Variants in ZNF138 observed in about 807,000 individuals in gnomAD.
The protein encoded by ZNF138 is zinc finger protein 138 (clone pHZ-32).
ZNF138 carries 33 observed loss-of-function variants against 33.0 expected under a neutral mutation model. The observed-to-expected ratio is 1.00, with a 90% confidence interval of 0.76 to 1.34. The LOEUF is 1.34. Ranked by LOEUF, ZNF138 falls within the 40% of genes most tolerant of loss-of-function variation. ZNF138 has a pLI of 0.00. For synonymous variants in ZNF138, 139 were observed against 120.4 expected (o/e 1.15, Z -1.01); for missense variants, 360 against 370.8 (o/e 0.97, Z 0.24).
At chr7:64,806,030 C>T (rs1787569444) in intron 1 of ZNF138, among the ~76,000 whole-genome samples, 3 of 152,330 alleles carry the variant, frequency 2.0e-5, no homozygotes, top group South Asian at 2.1e-4. Context: ...AATAAAACAG[C>T]TTTCTTTCTG....
chr7:64,832,781 C>G lies in ZNF138; in HGVS notation c.*579C>G, dbSNP rs532145192. 14 of 449,098 alleles carry G rather than the reference C, an allele frequency of 3.1e-5. No homozygotes were observed. The highest frequency in any genetic ancestry group is 2.4e-4 in the South Asian group (14 of 57,210). 27.8% of individuals were successfully genotyped at this position (449,098 alleles called of 1,614,324 possible). ...GTGAGGAATGTGGCAAAGGTTTTAG[C>G]CAACTCTCAAACCTTACTAAACACA... On this transcript the variant is annotated 3_prime_UTR_variant, in exon 4 of 4. Transcript: ENST00000307355.
Position 64,825,329 on chromosome 7 carries a change from G to T in ZNF138, c.209-6122G>T, listed in dbSNP as rs1364047795. ...CTGGGACTACAGGCGCCCGCCAACA[G>T]GGCCGGCTAATTTTTTGTATTTTTA... On this transcript the variant is annotated intron_variant, in intron 3 of 3. Transcript: ENST00000307355. Among the ~76,000 whole-genome samples, 14 of 149,298 alleles carry T rather than the reference G, an allele frequency of 9.4e-5. No homozygotes were observed. The South Asian group carries it at 2.6e-3, about 27-fold the overall frequency.
At chr7:64,804,115 A>G (rs527446162) in intron 1 of ZNF138, among the ~76,000 whole-genome samples, 1 of 152,334 alleles carries the variant, frequency 6.6e-6, no homozygotes, top group East Asian at 1.9e-4. Context: ...CTCATGCCCA[A>G]TTTCTGCCTC....
intron 1 of ZNF138, among the ~76,000 whole-genome samples, chr7:64,797,349 A>G (rs1236485607): frequency 6.6e-6 from 1 of 152,164 alleles, no homozygotes; most frequent in Non-Finnish European, 1.5e-5. Context: ...TGCATTTGAG[A>G]TATGTGACGT....
At chr7:64,849,571 G>C in the ZNF138 span, among the ~76,000 whole-genome samples, 1 of 152,066 alleles carries the variant, frequency 6.6e-6, no homozygotes, top group South Asian at 2.1e-4. Context: ...TGGGGACATG[G>C]GTAGGCATGT....
the ZNF138 span, chr7:64,852,477 T>C: frequency 3.8e-6 from 6 of 1,585,072 alleles, no homozygotes; most frequent in Non-Finnish European, 5.2e-6. Context: ...TTGTCTATGA[T>C]TCTGGCTGTG....
chr7:64,823,657 C>T (rs748502733), intron 3 of ZNF138, among the ~76,000 whole-genome samples: 9 of 152,074 alleles, frequency 5.9e-5, no homozygotes, highest in Non-Finnish European at 1.0e-4. Context: ...TTTAATGAGG[C>T]AGCTGGGCGC....
chr7:64,850,787 T>C, the ZNF138 span, among the ~76,000 whole-genome samples: 8 of 152,178 alleles, frequency 5.3e-5, no homozygotes, highest in Non-Finnish European at 1.2e-4. Flanking sequence ...CCCCAGCACA[T>C]AGCAAGTGTA....
chr7:64,846,199 G>A, the ZNF138 span, among the ~76,000 whole-genome samples: 1 of 152,120 alleles, frequency 6.6e-6, no homozygotes, highest in Non-Finnish European at 1.5e-5. Flanking sequence ...GTAATATGAT[G>A]CCTTCAGATT....
intron 1 of ZNF138, among the ~76,000 whole-genome samples, chr7:64,795,951 G>A (rs940866484): frequency 1.3e-5 from 2 of 152,220 alleles, no homozygotes; most frequent in African/African-American, 4.8e-5. Context: ...TGAGGTTGGA[G>A]TGTAGCCTCT....
the ZNF138 span, among the ~76,000 whole-genome samples, chr7:64,845,654 A>T: frequency 1.3e-5 from 2 of 152,094 alleles, no homozygotes; most frequent in African/African-American, 4.8e-5. Flanking sequence ...TGTAGTTGGG[A>T]TTTGCATTTC....
chr7:64,846,288 G>T, the ZNF138 span, among the ~76,000 whole-genome samples: 1 of 152,100 alleles, frequency 6.6e-6, no homozygotes, highest in Non-Finnish European at 1.5e-5. Context: ...GTTTTTTATA[G>T]TTCTGTGAAG....
chr7:64,800,619 G>T (rs940004312), intron 1 of ZNF138, among the ~76,000 whole-genome samples: 2 of 152,108 alleles, frequency 1.3e-5, no homozygotes, highest in Non-Finnish European at 2.9e-5. Flanking sequence ...GCATATCAAT[G>T]GTCCTCAAGG....
At chr7:64,837,262 G>A (rs4718129), downstream of ZNF138, among the ~76,000 whole-genome samples, 56,518 of 151,860 alleles carry the variant, frequency 0.37, 11,008 homozygotes, top group Non-Finnish European at 0.42. Flanking sequence ...TGCCGTCGGT[G>A]TTGTAAGAAT....
intron 1 of ZNF138, among the ~76,000 whole-genome samples, chr7:64,809,858 T>G (rs1442686832): frequency 6.4e-5 from 6 of 94,400 alleles, no homozygotes; most frequent in Admixed American, 1.1e-4. Flanking sequence ...TCTCAGACGA[T>G]AGGCGGCCGG....
At chr7:64,796,748 CG>C (rs1786718401) in intron 1 of ZNF138, among the ~76,000 whole-genome samples, 1 of 152,068 alleles carries the variant, frequency 6.6e-6, no homozygotes, top group Admixed American at 6.5e-5. Context: ...CTGTGGAAAA[CG>C]AATACATTTC....
chr7:64,829,305 T>C (rs1789894223), intron 3 of ZNF138, among the ~76,000 whole-genome samples: 1 of 151,942 alleles, frequency 6.6e-6, no homozygotes, highest in African/African-American at 2.4e-5. Context: ...AATACTCTAC[T>C]GTAATTATAT....
chr7:64,839,086 A>G, the ZNF138 span, among the ~76,000 whole-genome samples: 1 of 152,238 alleles, frequency 6.6e-6, no homozygotes, highest in Admixed American at 6.5e-5. Flanking sequence ...CGGAGGTCCC[A>G]GAACCTTTGA....
chr7:64,819,261 A>G (rs1341530876), intron 3 of ZNF138, among the ~76,000 whole-genome samples: 2 of 152,046 alleles, frequency 1.3e-5, no homozygotes, highest in Non-Finnish European at 2.9e-5. Flanking sequence ...TATTTTGTGT[A>G]AGTGAGTAAT....
Sources: gnomAD v4.1 joint callset for allele counts (sites outside exome capture counted in the v4.1 genomes callset) on GRCh38, gnomAD v4.1.1 for gene constraint, MANE v1.5 for transcripts, NCBI Gene and HGNC (gene_info 2026-07-23, HGNC 2026-07-21) for gene names.